The following FABP6 variants were observed in gnomAD, a reference collection of about 807,000 sequenced individuals.
The protein encoded by FABP6 is fatty acid binding protein 6.
FABP6 carries 13 observed loss-of-function variants against 14.9 expected under a neutral mutation model. The ratio of observed to expected loss-of-function variants is 0.87; its 90% confidence interval spans 0.57 to 1.39. The LOEUF is 1.39. FABP6 is among the 40% of genes most tolerant of loss of function. The pLI, the probability that FABP6 is intolerant of heterozygous loss-of-function variation, is 0.00. For synonymous variants in FABP6, 75 were observed against 63.6 expected (o/e 1.18, Z -0.85); for missense variants, 161 against 167.2 (o/e 0.96, Z 0.20).
At chr5:160,212,975 G>T (rs1290556509) in intron 2 of FABP6, among the ~76,000 whole-genome samples, 1 of 152,156 alleles carries the variant, frequency 6.6e-6, no homozygotes, top group Non-Finnish European at 1.5e-5. Context: ...GAGGAGGAAA[G>T]ATTTCATAGA....
intron 2 of FABP6, among the ~76,000 whole-genome samples, chr5:160,201,636 C>T (rs181950194): frequency 6.6e-6 from 1 of 151,746 alleles, no homozygotes; most frequent in Non-Finnish European, 1.5e-5. Flanking sequence ...ATTCCCTCTC[C>T]CCTTCTCATT....
chr5:160,218,511 AGTGCAAAG>A (rs1286024241), intron 3 of FABP6, among the ~76,000 whole-genome samples: 1 of 127,390 alleles, frequency 7.8e-6, no homozygotes, highest in African/African-American at 3.1e-5. Flanking sequence ...CCTAGGCTGG[AGTGCAAAG>A]GCGCGATCTC....
exon 2 of FABP6, chr5:160,199,077 A>G (rs1389917650): frequency 1.2e-6 from 2 of 1,613,744 alleles, no homozygotes; most frequent in African/African-American, 1.3e-5. Context: ...CAGGGAGCTC[A>G]CAGGCAGGGG....
intron 2 of FABP6, among the ~76,000 whole-genome samples, chr5:160,206,297 G>A (rs1759763347): frequency 1.3e-5 from 2 of 152,144 alleles, no homozygotes; most frequent in African/African-American, 4.8e-5. Context: ...GGGGCATGAT[G>A]CGTGCCTGTA....
intron 2 of FABP6, among the ~76,000 whole-genome samples, chr5:160,201,955 G>A (rs188307518): frequency 6.3e-4 from 96 of 152,242 alleles, no homozygotes; most frequent in African/African-American, 2.2e-3. Flanking sequence ...GTAGAGATGA[G>A]ATTTCACCAT....
intron 3 of FABP6, among the ~76,000 whole-genome samples, chr5:160,223,802 G>A (rs561232122): frequency 1.8e-4 from 28 of 151,504 alleles, no homozygotes; most frequent in African/African-American, 6.3e-4. Context: ...ACACAATATC[G>A]AAATTAGGCC....
At chr5:160,199,514 C>G (rs1226227602) in intron 2 of FABP6, among the ~76,000 whole-genome samples, 1 of 152,156 alleles carries the variant, frequency 6.6e-6, no homozygotes, top group African/African-American at 2.4e-5. Context: ...AAGCCGGCCA[C>G]CAGAGGGCGC....
chr5:160,234,538 C>T (rs1410061589), intron 2 of FABP6, among the ~76,000 whole-genome samples: 13 of 151,564 alleles, frequency 8.6e-5, no homozygotes, highest in African/African-American at 1.9e-4. Context: ...GTGATTCTCA[C>T]GCCTCAGCCT....
At chr5:160,192,292 GC>G (rs1450637776) in intron 1 of FABP6, among the ~76,000 whole-genome samples, 3 of 151,708 alleles carry the variant, frequency 2.0e-5, no homozygotes, top group African/African-American at 7.3e-5. Flanking sequence ...CTCCCAAGTG[GC>G]TGATACTACA....
At chr5:160,213,878 T>C (rs1759950415) in intron 3 of FABP6, 3 of 1,382,402 alleles carry the variant, frequency 2.2e-6, no homozygotes, top group African/African-American at 1.4e-5. Context: ...CTGGTTCTAG[T>C]TCCTCATGAA....
At chr5:160,229,058 A>AAGTTCAG, upstream of FABP6, among the ~76,000 whole-genome samples, 1 of 152,254 alleles carries the variant, frequency 6.6e-6, no homozygotes, top group Non-Finnish European at 1.5e-5. Flanking sequence ...CTGCTTACAC[A>AAGTTCAG]AGAACTCTCT....
At position 160,196,418 on chromosome 5, in the gene FABP6, C is replaced by T. The variant is rs562260238; in HGVS notation, c.-58-2631C>T. Among the ~76,000 whole-genome samples the T allele has an allele frequency of 3.3e-5, 5 of 152,268 alleles. No individual in the cohort carries two copies. The East Asian group carries it at 7.7e-4, about 24-fold the overall frequency. On this transcript the variant is annotated intron_variant, in intron 1 of 6. Coordinates refer to the FABP6 transcript ENST00000393980. ...TGATGGGGCTCTGGGGAGAGAGGCT[C>T]TAGGGTTAGGGAAGGCTTTCCTGGG...
At chr5:160,194,045 G>A (rs952016796) in intron 1 of FABP6, among the ~76,000 whole-genome samples, 1 of 152,236 alleles carries the variant, frequency 6.6e-6, no homozygotes, top group Non-Finnish European at 1.5e-5. Context: ...TGCCCCATGG[G>A]AAGGCAGCTA....
intron 1 of FABP6, among the ~76,000 whole-genome samples, chr5:160,188,360 A>C (rs1257683966): frequency 6.6e-6 from 1 of 151,650 alleles, no homozygotes; most frequent in Non-Finnish European, 1.5e-5. Flanking sequence ...AACGAAAAAA[A>C]CATTAGCAAA....
At chr5:160,221,446 C>T (rs926057722) in intron 3 of FABP6, among the ~76,000 whole-genome samples, 3 of 152,188 alleles carry the variant, frequency 2.0e-5, no homozygotes, top group African/African-American at 7.2e-5. Flanking sequence ...AGGGGTTTTA[C>T]AAGGTACGAA....
At chr5:160,217,410 CT>C (rs1329266334) in intron 3 of FABP6, among the ~76,000 whole-genome samples, 2 of 152,084 alleles carry the variant, frequency 1.3e-5, no homozygotes, top group Non-Finnish European at 2.9e-5. Flanking sequence ...AGAAGAAGGG[CT>C]GAATGCTAGT....
At chr5:160,228,369 A>C, upstream of FABP6, 1 of 453,004 alleles carries the variant, frequency 2.2e-6, no homozygotes. Flanking sequence ...CCAGCCTGGG[A>C]AACAAGAGTG....
intron 2 of FABP6, chr5:160,213,718 A>G: frequency 6.2e-7 from 1 of 1,612,514 alleles, no homozygotes; most frequent in Non-Finnish European, 8.5e-7. Context: ...CAATCAGATT[A>G]TTTCTCTTCT....
At chr5:160,197,841 G>A (rs559729011) in intron 1 of FABP6, 11 of 152,070 alleles carry the variant, frequency 7.2e-5, no homozygotes, top group African/African-American at 2.2e-4. Context: ...CCCCTGCTCC[G>A]GAAACTCCTG....
Sources: gnomAD v4.1 joint callset for allele counts (sites outside exome capture counted in the v4.1 genomes callset) on GRCh38, gnomAD v4.1.1 for gene constraint, MANE v1.5 for transcripts, NCBI Gene and HGNC (gene_info 2026-07-23, HGNC 2026-07-21) for gene names.